Variants in EYS observed in about 807,000 individuals in gnomAD.
The protein encoded by EYS is EGF-like photoreceptor maintenance factor.
A neutral mutation model predicts 282.1 loss-of-function variants in EYS; 250 were observed. The ratio of observed to expected loss-of-function variants is 0.89; its 90% CI spans 0.80 to 0.98. The LOEUF is 0.98. Among genes scored for constraint, EYS ranks in the 50% least tolerant of loss-of-function variants. The pLI is 0.00. For missense variants in EYS, 4,016 were observed against 3,709.0 expected (o/e 1.08, Z -2.15); for synonymous variants, 1,355 against 1,282.9 (o/e 1.06, Z -1.20).
rs1021271496 is a variant in EYS, at chr6:64,130,850, C to T, written c.6425-48848G>A. ...CTATGCTGAGCCTTGGAGGCTGTGG[C>T]GGTGAACAGTGTGATTTATTTATTT... is the stretch of plus-strand genomic sequence containing the variant. On this transcript the variant is annotated intron_variant, in intron 31 of 42. Coordinates refer to ENST00000503581, the MANE Select transcript of EYS (RefSeq NM_001142800.2). Among the ~76,000 whole-genome samples, 4 of 152,110 alleles carry T rather than the reference C, an allele frequency of 2.6e-5. No homozygotes were observed. The East Asian group carries it at 5.8e-4, about 22-fold the overall frequency.
intron 30 of EYS, among the ~76,000 whole-genome samples, chr6:64,232,323 T>C (rs1360736228): frequency 6.8e-6 from 1 of 148,126 alleles, no homozygotes; most frequent in Non-Finnish European, 1.5e-5. Flanking sequence ...CCAGTAAATA[T>C]TGTATAAATA....
chr6:65,450,102 A>T (rs1004932969), intron 5 of EYS, among the ~76,000 whole-genome samples: 2 of 152,244 alleles, frequency 1.3e-5, no homozygotes, highest in East Asian at 3.9e-4. Flanking sequence ...TTAACATTGC[A>T]TGTCTAATTC....
At chr6:64,504,827 G>A (rs1267930331) in intron 26 of EYS, among the ~76,000 whole-genome samples, 2 of 152,186 alleles carry the variant, frequency 1.3e-5, no homozygotes, top group Non-Finnish European at 2.9e-5. Flanking sequence ...ACTAGCAGGA[G>A]CTGAGGTTGA....
intron 2 of EYS, among the ~76,000 whole-genome samples, chr6:65,539,650 G>T (rs12529012): frequency 0.021 from 3,186 of 152,228 alleles, 153 homozygotes; most frequent in East Asian, 0.13. Flanking sequence ...TACTAAGAAT[G>T]ACATAAAACA....
chr6:65,610,203 G>A (rs1050817110), intron 2 of EYS, among the ~76,000 whole-genome samples: 3 of 151,842 alleles, frequency 2.0e-5, no homozygotes, highest in East Asian at 1.9e-4. Flanking sequence ...TGCCATGCCC[G>A]GCCTATTAAA....
chr6:64,062,314 A>C (rs1204636312), intron 33 of EYS, among the ~76,000 whole-genome samples: 1 of 152,168 alleles, frequency 6.6e-6, no homozygotes, highest in African/African-American at 2.4e-5. Context: ...AGAAGCCTCA[A>C]GCTATGTATC....
chr6:64,541,001 G>C (rs1234597214), intron 26 of EYS, among the ~76,000 whole-genome samples: 1 of 152,282 alleles, frequency 6.6e-6, no homozygotes, highest in African/African-American at 2.4e-5. Context: ...CGGCGGCTGA[G>C]TTAATTTTTC....
At chr6:64,839,307 C>T (rs1205837150) in intron 19 of EYS, among the ~76,000 whole-genome samples, 3 of 151,826 alleles carry the variant, frequency 2.0e-5, no homozygotes, top group Non-Finnish European at 4.4e-5. Context: ...TTTATAGATC[C>T]TACCAGTTAC....
At chr6:65,500,366 G>T (rs1481868146) in intron 2 of EYS, among the ~76,000 whole-genome samples, 1 of 151,946 alleles carries the variant, frequency 6.6e-6, no homozygotes, top group Non-Finnish European at 1.5e-5. Context: ...GAAAAACAAA[G>T]AAAAGGGTTT....
rs67505285 is a variant in EYS at position 65,120,460 on chromosome 6, C to CAAAAAAAAAAAAAAAAAAAAAA, written c.2024-62755_2024-62734dup. On this transcript the variant is annotated intron_variant, in intron 12 of 42. Transcript: ENST00000503581. Reference sequence around the variant, plus strand: ...ACATTACTCTTTTTCTTTAAATAAGCAAAAAAAAAAAAAAAAAAAAAAAAT... The same window carrying CAAAAAAAAAAAAAAAAAAAAAA: ...ACATTACTCTTTTTCTTTAAATAAGCAAAAAAAAAAAAAAAAAAAAAAAAAAAAAAAAAAAAAAAAAAAAAAT... Among the ~76,000 whole-genome samples the CAAAAAAAAAAAAAAAAAAAAAA allele has an allele frequency of 2.4e-3, 166 of 68,252 alleles. 6 individuals are homozygous for CAAAAAAAAAAAAAAAAAAAAAA. Among genetic ancestry groups the CAAAAAAAAAAAAAAAAAAAAAA allele is most frequent in the Non-Finnish European group, 3.4e-3 (122 of 36,412 alleles). The allele number at this position is 68,252 out of a possible 152,430, so 44.8% of individuals were successfully genotyped here.
chr6:64,890,380 A>G (rs766609293), intron 18 of EYS, among the ~76,000 whole-genome samples: 1 of 152,110 alleles, frequency 6.6e-6, no homozygotes, highest in Admixed American at 6.6e-5. Flanking sequence ...AATCCCTAAT[A>G]AAAACTTGCT....
At chr6:64,543,069 C>A (rs1230609243) in intron 26 of EYS, among the ~76,000 whole-genome samples, 3 of 152,056 alleles carry the variant, frequency 2.0e-5, no homozygotes, top group Non-Finnish European at 4.4e-5. Flanking sequence ...TAGATGTTGG[C>A]TTTCACCGGT....
intron 2 of EYS, among the ~76,000 whole-genome samples, chr6:65,584,922 T>C (rs1032203541): frequency 1.3e-5 from 2 of 150,490 alleles, no homozygotes; most frequent in Admixed American, 1.3e-4. Context: ...ACATTTTTCA[T>C]CTCTCTGTCT....
At chr6:64,962,370 T>G (rs911130812) in intron 14 of EYS, among the ~76,000 whole-genome samples, 2 of 152,106 alleles carry the variant, frequency 1.3e-5, no homozygotes. Context: ...TCTTTATCTC[T>G]CTCTTTATCT....
rs1038700724 is a variant in EYS, at chr6:65,587,088, G to T, written c.-333+52690C>A. Among the ~76,000 whole-genome samples the T allele has an allele frequency of 1.8e-4, 28 of 152,074 alleles. No individual in the cohort carries two copies. In the East Asian group the frequency reaches 4.8e-3, roughly 26 times the overall value. On this transcript the variant is annotated intron_variant, in intron 2 of 42. Coordinates refer to ENST00000503581, the MANE Select transcript of EYS (RefSeq NM_001142800.2). Reference sequence around the variant, plus strand: ...GTTCCATATTTTAGGCTACCATTGAGAAGATGTTTCTCTAAGCAACATTTG... The same window carrying T: ...GTTCCATATTTTAGGCTACCATTGATAAGATGTTTCTCTAAGCAACATTTG...
intron 13 of EYS, among the ~76,000 whole-genome samples, chr6:65,007,240 T>G (rs1176874541): frequency 6.6e-6 from 1 of 152,130 alleles, no homozygotes. Flanking sequence ...GGACTAATGC[T>G]CATCGGAAAA....
At chr6:63,756,875 T>C (rs1432209674) in intron 41 of EYS, among the ~76,000 whole-genome samples, 1 of 152,202 alleles carries the variant, frequency 6.6e-6, no homozygotes, top group Non-Finnish European at 1.5e-5. Flanking sequence ...TATAATTTCT[T>C]ATCCCTGTCT....
intron 18 of EYS, among the ~76,000 whole-genome samples, chr6:64,900,141 T>C (rs1413986258): frequency 2.0e-5 from 3 of 152,232 alleles, no homozygotes; most frequent in Non-Finnish European, 4.4e-5. Context: ...AAGGATTCCC[T>C]ATTTAATAAA....
At chr6:64,420,798 C>T (rs1298102527) in intron 28 of EYS, among the ~76,000 whole-genome samples, 1 of 152,156 alleles carries the variant, frequency 6.6e-6, no homozygotes, top group Non-Finnish European at 1.5e-5. Context: ...CACCTTTATT[C>T]CCGTTCCCAA....
Sources: gnomAD v4.1 joint callset for allele counts (sites outside exome capture counted in the v4.1 genomes callset) on GRCh38, gnomAD v4.1.1 for gene constraint, MANE v1.5 for transcripts, NCBI Gene and HGNC (gene_info 2026-07-23, HGNC 2026-07-21) for gene names.